Variants in PKD2L1 observed in about 807,000 individuals in gnomAD.
PKD2L1 encodes polycystin-2-like protein 1.
Under a neutral mutation model 93.0 loss-of-function variants are expected in PKD2L1, and 77 were observed. That is an observed-to-expected ratio of 0.83 (90% CI 0.69 to 1.00). The LOEUF is 1.00. PKD2L1 is among the 50% of genes least tolerant of loss of function. PKD2L1 has a pLI of 0.00. For synonymous variants in PKD2L1, 390 were observed against 388.0 expected (o/e 1.01, Z -0.06); for missense variants, 977 against 990.9 (o/e 0.99, Z 0.19).
intron 2 of PKD2L1, among the ~76,000 whole-genome samples, chr10:100,310,811 G>A (rs1848917184): frequency 6.6e-6 from 1 of 152,206 alleles, no homozygotes; most frequent in South Asian, 2.1e-4. Flanking sequence ...TCAGGTTCAA[G>A]CAATTCTCCT....
At chr10:100,329,691 A>T (rs1417602713) in intron 1 of PKD2L1, among the ~76,000 whole-genome samples, 178 bp downstream of exon 1, 2 of 152,194 alleles carry the variant, frequency 1.3e-5, no homozygotes, top group East Asian at 3.8e-4. Context: ...TAGACCGCTC[A>T]GCTGGCCTCT....
chr10:100,318,498 G>A (rs1849151853), intron 2 of PKD2L1, among the ~76,000 whole-genome samples: 2 of 151,760 alleles, frequency 1.3e-5, no homozygotes, highest in African/African-American at 4.8e-5. Flanking sequence ...CAACAATCCA[G>A]AGTATTGAGA....
intron 8 of PKD2L1, 37 bp downstream of exon 8, chr10:100,294,905 A>C: frequency 6.4e-7 from 1 of 1,571,500 alleles, no homozygotes; most frequent in Non-Finnish European, 8.7e-7. Context: ...CTGGAGGGTG[A>C]GGGGCCAGGG....
At chr10:100,322,411 C>T (rs574975102) in intron 2 of PKD2L1, among the ~76,000 whole-genome samples, 1 of 151,750 alleles carries the variant, frequency 6.6e-6, no homozygotes, top group South Asian at 2.1e-4. Context: ...CCTGTAATCC[C>T]AGGTACACGG....
chr10:100,328,995 C>A (rs959335190), intron 2 of PKD2L1, among the ~76,000 whole-genome samples: 1 of 152,250 alleles, frequency 6.6e-6, no homozygotes, highest in Non-Finnish European at 1.5e-5. Flanking sequence ...ACCAAACTGC[C>A]TTCCTCTACT....
At chr10:100,316,519 C>T (rs911483816) in intron 2 of PKD2L1, among the ~76,000 whole-genome samples, 5 of 152,234 alleles carry the variant, frequency 3.3e-5, no homozygotes, top group Non-Finnish European at 7.3e-5. Flanking sequence ...GGGCCTGGCA[C>T]ATAGTAAGAC....
intron 2 of PKD2L1, among the ~76,000 whole-genome samples, chr10:100,314,982 GGAAGGAAGGAAGGAAGGAAGGAAGGAA>G (rs76849021): frequency 0.012 from 95 of 7,986 alleles, 1 homozygote; most frequent in Middle Eastern, 0.1. Context: ...AAGGAAGGAA[GGAAGGAAGGAAGGAAGGAAGGAAGGAA>G]GGAAGGGAAG....
rs755893584 is a variant in PKD2L1, at chr10:100,290,054, C to A, written c.2211G>T (p.Met737Ile). 2.5e-6 allele frequency: 4 copies of A among 1,614,232 alleles called. No individual in the cohort carries two copies. Among genetic ancestry groups the A allele is most frequent in the Non-Finnish European group, 3.4e-6 (4 of 1,180,038 alleles). ...GAGCCAGCCACCCCTTCCTCTCCAG[C>A]ATTTTCAGCTTTGAGCCTACAGCAT... ...QIDAVGSKLK[M>I]LERKGWLAPS... Residue 737 changes from methionine (M) to isoleucine (I), a missense_variant, in exon 14 of 16, where the codon ATG becomes ATT. Transcript: ENST00000318222.
intron 2 of PKD2L1, among the ~76,000 whole-genome samples, chr10:100,303,548 C>G (rs1000496737): frequency 2.6e-5 from 4 of 152,160 alleles, no homozygotes; most frequent in African/African-American, 9.7e-5. Flanking sequence ...TAAGAATTTT[C>G]ATTTTCAGAT....
intron 2 of PKD2L1, among the ~76,000 whole-genome samples, chr10:100,301,392 C>T (rs921249760): frequency 2.0e-5 from 3 of 151,772 alleles, no homozygotes; most frequent in Admixed American, 6.6e-5. Context: ...GTGGCCAGGG[C>T]GTGTTTCATC....
At chr10:100,293,251 A>G (rs1848445895) in intron 10 of PKD2L1, 30 bp downstream of exon 10, 5 of 1,554,412 alleles carry the variant, frequency 3.2e-6, no homozygotes, top group Admixed American at 1.7e-5. Context: ...ACTGATGGAA[A>G]TGTGTAGCTC....
At chr10:100,313,576 G>A (rs1175373938) in intron 2 of PKD2L1, among the ~76,000 whole-genome samples, 2 of 152,184 alleles carry the variant, frequency 1.3e-5, no homozygotes, top group African/African-American at 4.8e-5. Context: ...ATTCTGTGAG[G>A]ATTACAGGAT....
rs748671852 is a variant in PKD2L1, at chr10:100,330,136, G to A, written c.-33C>T. On this transcript the variant is annotated 5_prime_UTR_variant, in exon 1 of 16. Transcript: ENST00000318222. ...GAGGTGGGGGGGCCCGGTACCCCAG[G>A]TGCCCACTCTCAGCTAGAGGAAGAG... The A allele has an allele frequency of 5.8e-6, 8 of 1,369,556 alleles. No individual in the cohort carries two copies. Among genetic ancestry groups the A allele is most frequent in the Admixed American group, 4.0e-5 (2 of 50,080 alleles). The allele number at this position is 1,369,556 out of a possible 1,614,324, so 84.8% of individuals were successfully genotyped here.
Position 100,314,958 on chromosome 10 carries a change from AGAAAGAAGGAAGGAAGGAAGGAAGGAAG to A in PKD2L1, c.349+14225_349+14252del, listed in dbSNP as rs1235526914. 8.1e-3 allele frequency among the ~76,000 whole-genome samples: 354 copies of A among 43,720 alleles called. 33 individuals carry two copies. Among genetic ancestry groups the A allele is most frequent in the Middle Eastern group, 0.022 (2 of 90 alleles). 28.7% of individuals were successfully genotyped at this position (43,720 alleles called of 152,430 possible). A position where few individuals can be genotyped will look rare whatever the true frequency, so the allele number is the denominator to read the frequency against. On this transcript the variant is annotated intron_variant, in intron 2 of 15. Transcript: ENST00000318222. ...GCTAAGGCAGAAAAGAAAGAAAGAA[AGAAAGAAGGAAGGAAGGAAGGAAGGAAG>A]GAAGGAAGGAAGGAAGGAAGGAAGG...
At chr10:100,294,499 G>C (rs1004889708) in intron 9 of PKD2L1, 36 bp downstream of exon 9, 6 of 1,612,106 alleles carry the variant, frequency 3.7e-6, no homozygotes, top group East Asian at 2.2e-5. Flanking sequence ...CACCCTGCAG[G>C]CTCTCTATGT....
At chr10:100,329,388 C>T in intron 1 of PKD2L1, 64 bp from the exon 2 acceptor site, 1 of 1,611,624 alleles carries the variant, frequency 6.2e-7, no homozygotes, top group Non-Finnish European at 8.5e-7. Context: ...TCATCCCCAC[C>T]CATCTGTCTC....
chr10:100,326,380 C>T (rs1349910878), intron 2 of PKD2L1, among the ~76,000 whole-genome samples: 1 of 152,168 alleles, frequency 6.6e-6, no homozygotes, highest in Non-Finnish European at 1.5e-5. Context: ...GCCCTCTGTC[C>T]CTTTTGGGCC....
chr10:100,294,845 T>C (rs2242051), intron 8 of PKD2L1, 97 bp downstream of exon 8: 49,934 of 1,322,552 alleles, frequency 0.038, 5,000 homozygotes, highest in African/African-American at 0.31. Context: ...AACACAGACA[T>C]GCAGACACGC....
At chr10:100,289,883 G>A (rs1041300698) in intron 14 of PKD2L1, 132 bp downstream of exon 14, 46 of 1,067,892 alleles carry the variant, frequency 4.3e-5, no homozygotes, top group Middle Eastern at 3.1e-4. Context: ...TACACTAACC[G>A]CTATGAACAT....
Sources: gnomAD v4.1 joint callset for allele counts (sites outside exome capture counted in the v4.1 genomes callset) on GRCh38, gnomAD v4.1.1 for gene constraint, MANE v1.5 for transcripts, NCBI Gene and HGNC (gene_info 2026-07-23, HGNC 2026-07-21) for gene names.